The following CCDC149 variants were observed in gnomAD, a reference collection of about 807,000 sequenced individuals.
CCDC149 encodes coiled-coil domain-containing protein 149.
A neutral mutation model predicts 59.9 loss-of-function variants in CCDC149; 45 were observed. The observed-to-expected ratio is 0.75, with a 90% CI of 0.59 to 0.96. The LOEUF is 0.96. Ranked by LOEUF, CCDC149 falls within the 40% of genes least tolerant of loss-of-function variation. The pLI is 0.00. For missense variants in CCDC149, 584 were observed against 664.7 expected, an observed-to-expected ratio of 0.88 and a Z score of 1.33; for synonymous variants, 245 against 260.6, an observed-to-expected ratio of 0.94 and a Z score of 0.58.
intron 8 of CCDC149, among the ~76,000 whole-genome samples, chr4:24,833,103 A>G (rs915832961): frequency 6.6e-6 from 1 of 152,142 alleles, no homozygotes; most frequent in Admixed American, 6.5e-5. Flanking sequence ...GGTTTTTTAA[A>G]AGCACTCTTC....
intron 4 of CCDC149, among the ~76,000 whole-genome samples, chr4:24,845,732 C>T (rs1717247480): frequency 2.0e-5 from 3 of 152,186 alleles, no homozygotes; most frequent in Admixed American, 6.5e-5. Flanking sequence ...AATGAATTGA[C>T]CGAACCAGCC....
At chr4:24,903,040 A>AAAAAAC (rs1418660047) in intron 1 of CCDC149, among the ~76,000 whole-genome samples, 1 of 151,156 alleles carries the variant, frequency 6.6e-6, no homozygotes, top group Non-Finnish European at 1.5e-5. Context: ...AAAAAAAAAA[A>AAAAAAC]AAAAAAAGAG....
At chr4:24,843,439 T>C (rs760127931) in intron 4 of CCDC149, among the ~76,000 whole-genome samples, 2 of 152,170 alleles carry the variant, frequency 1.3e-5, no homozygotes, top group African/African-American at 2.4e-5. Flanking sequence ...ACTTTTCCTG[T>C]TAGTTTCCTC....
chr4:24,936,137 A>G (rs927059360), intron 1 of CCDC149, among the ~76,000 whole-genome samples: 2 of 152,156 alleles, frequency 1.3e-5, no homozygotes, highest in African/African-American at 4.8e-5. Flanking sequence ...AGTAGTAGGG[A>G]AAAAAGAACT....
intron 4 of CCDC149, among the ~76,000 whole-genome samples, chr4:24,840,724 A>G (rs1469384224): frequency 2.0e-5 from 3 of 152,222 alleles, no homozygotes; most frequent in Non-Finnish European, 4.4e-5. Flanking sequence ...AAGGCTGTGA[A>G]GTGCCTTATG....
intron 1 of CCDC149, among the ~76,000 whole-genome samples, chr4:24,939,729 C>T (rs547715902): frequency 5.3e-5 from 8 of 152,092 alleles, no homozygotes; most frequent in Non-Finnish European, 8.8e-5. Flanking sequence ...AACCACAGCA[C>T]GAGAACTACG....
At chr4:24,809,154 A>G (rs1211520581) in intron 12 of CCDC149, among the ~76,000 whole-genome samples, 1 of 152,120 alleles carries the variant, frequency 6.6e-6, no homozygotes, top group Admixed American at 6.5e-5. Flanking sequence ...AATTGAGGAC[A>G]AAGGTTTTGT....
At chr4:24,885,653 C>T (rs756803559) in intron 1 of CCDC149, among the ~76,000 whole-genome samples, 1 of 152,208 alleles carries the variant, frequency 6.6e-6, no homozygotes, top group Non-Finnish European at 1.5e-5. Flanking sequence ...AAATATCCCA[C>T]TTTCTGGTCA....
In CCDC149 at chr4:24,808,502, T is replaced by C; in HGVS notation, c.1510A>G (p.Lys504Glu). The change falls in exon 13 of 13, where the codon AAA becomes GAA. Residue 504 changes from lysine to glutamate, a missense_variant. Coordinates refer to ENST00000635206, the MANE Select transcript of CCDC149 (RefSeq NM_001330643.2). ...GCCTCGAAGGAGTCCAGGTGAGATTTAGGGAGCTCCCCCTGGATGGCCAGG... is the reference window on the plus strand; with the variant it reads ...GCCTCGAAGGAGTCCAGGTGAGATTCAGGGAGCTCCCCCTGGATGGCCAGG... The C allele has an allele frequency of 1.3e-6, 2 of 1,521,070 alleles. No homozygotes were observed. The highest frequency in any genetic ancestry group is 1.8e-6 in the Non-Finnish European group (2 of 1,134,162). 94.2% of individuals were successfully genotyped at this position (1,521,070 alleles called of 1,614,324 possible).
intron 1 of CCDC149, among the ~76,000 whole-genome samples, chr4:24,896,679 A>G (rs2109298235): frequency 6.6e-6 from 1 of 152,240 alleles, no homozygotes; most frequent in Non-Finnish European, 1.5e-5. Flanking sequence ...TAAAGAAGGG[A>G]GGGAGGAAGG....
At chr4:24,950,824 G>T (rs1723265020) in intron 1 of CCDC149, among the ~76,000 whole-genome samples, 2 of 152,188 alleles carry the variant, frequency 1.3e-5, no homozygotes, top group African/African-American at 4.8e-5. Context: ...GGGGTCTGGG[G>T]CCTGTGTAGC....
chr4:24,871,960 T>C (rs948131403), intron 3 of CCDC149, among the ~76,000 whole-genome samples: 4 of 152,152 alleles, frequency 2.6e-5, no homozygotes, highest in African/African-American at 9.7e-5. Flanking sequence ...AAAATACCAA[T>C]AGGATTTGTG....
rs66808189 is a variant in CCDC149 at position 24,906,376 on chromosome 4, T to TTTTTATTTTATTTATTTTA, written c.63+6440_63+6441insTAAAATAAATAAAATAAAA. Among the ~76,000 whole-genome samples the TTTTTATTTTATTTATTTTA allele has an allele frequency of 3.6e-5, 4 of 112,372 alleles. No individual in the cohort carries two copies. In the East Asian group the frequency reaches 7.0e-4, roughly 20 times the overall value. The allele number at this position is 112,372 out of a possible 152,430, so 73.7% of individuals were successfully genotyped here. A position where few individuals can be genotyped will look rare whatever the true frequency, so the allele number is the denominator to read the frequency against. ...GGGCAGCGGAACAAATTTTATTTTA[T>TTTTTATTTTATTTATTTTA]TTTATTTTATTTTATTTTATTTTAT... On this transcript the variant is annotated intron_variant, in intron 1 of 12. Coordinates refer to ENST00000635206, the MANE Select transcript of CCDC149 (RefSeq NM_001330643.2).
chr4:24,844,992 G>A (rs1717192000), intron 4 of CCDC149, among the ~76,000 whole-genome samples: 1 of 152,120 alleles, frequency 6.6e-6, no homozygotes, highest in Non-Finnish European at 1.5e-5. Flanking sequence ...GAGAAGTGGA[G>A]GAACTTGCCT....
At chr4:24,810,672 AAATGTTGAATG>A (rs1714541550) in intron 12 of CCDC149, among the ~76,000 whole-genome samples, 2 of 152,220 alleles carry the variant, frequency 1.3e-5, no homozygotes, top group African/African-American at 4.8e-5. Context: ...ACAGGTATGT[AAATGTTGAATG>A]AAAATGGGCA....
chr4:24,829,840 G>C (rs1716018893), intron 9 of CCDC149: 1 of 152,360 alleles, frequency 6.6e-6, no homozygotes, highest in Admixed American at 6.5e-5. Flanking sequence ...AATACATTTA[G>C]ACAGGGTGGC....
intron 2 of CCDC149, among the ~76,000 whole-genome samples, chr4:24,874,017 A>G (rs1280102739): frequency 2.6e-5 from 4 of 152,226 alleles, no homozygotes; most frequent in Non-Finnish European, 5.9e-5. Context: ...ATCACAGCCT[A>G]AACTGAAATA....
chr4:24,853,003 T>C lies in CCDC149; in HGVS notation c.372+69A>G, dbSNP rs528489333. 2.6e-4 allele frequency: 239 copies of C among 912,972 alleles called. No homozygotes were observed. The African/African-American group carries it at 3.3e-3, about 13-fold the overall frequency. The allele number at this position is 912,972 out of a possible 1,614,324, so 56.6% of individuals were successfully genotyped here. A position where few individuals can be genotyped will look rare whatever the true frequency, so the allele number is the denominator to read the frequency against. On this transcript the variant is annotated intron_variant, in intron 4 of 12. Transcript: ENST00000635206. ...CAAATGCTGCATTACATTTTTCCGA[T>C]GTGCAATATATAAACCTCGAACGCA...
rs542175555 is a variant in CCDC149 at position 24,922,269 on chromosome 4, G to A, written c.-64-27151C>T. On this transcript the variant is annotated intron_variant, in intron 1 of 12. Transcript: ENST00000389609. ...TTTTCGATGAGACATCCCCCACCCCGTTATAACAAAGTTAATTAGGCATTT... is the reference window on the plus strand; with the variant it reads ...TTTTCGATGAGACATCCCCCACCCCATTATAACAAAGTTAATTAGGCATTT... Among the ~76,000 whole-genome samples the A allele has an allele frequency of 2.9e-4, 44 of 152,170 alleles. No homozygotes were observed. The South Asian group carries it at 7.3e-3, about 25-fold the overall frequency.
Sources: allele counts gnomAD v4.1 joint callset (sites outside exome capture counted in the v4.1 genomes callset), GRCh38; gene constraint gnomAD v4.1.1; transcripts MANE v1.5; gene names NCBI Gene and HGNC (gene_info 2026-07-23, HGNC 2026-07-21).